HTT: variants seen among roughly 807,000 people sequenced by gnomAD.
HTT encodes huntington disease protein.
In HTT, 104 loss-of-function variants were observed where a neutral mutation model predicts 362.3. The observed-to-expected ratio is 0.29, with a 90% CI of 0.24 to 0.34. HTT has a LOEUF of 0.34. HTT is among the 10% of genes least tolerant of loss of function. The pLI is 1.00. For missense variants in HTT, 3,301 were observed against 3,928.6 expected (o/e 0.84, Z 4.27); for synonymous variants, 1,577 against 1,548.7 (o/e 1.02, Z -0.43).
intron 21 of HTT, 29 bp from the exon 22 acceptor site, chr4:3,140,481 T>G (rs2110198211): frequency 6.2e-7 from 1 of 1,611,562 alleles, no homozygotes. Context: ...TCTACTTTCT[T>G]AAGCAAATTA....
At position 3,153,013 on chromosome 4, in the gene HTT, G is replaced by A. The variant is rs549280777; in HGVS notation, c.3499-1280G>A. ...CTTCCAGTCCATGCACCCGATTGTA[G>A]CCATTCATCCTATTATGGTTTAAGG... On this transcript the variant is annotated intron_variant, in intron 26 of 66. Coordinates refer to ENST00000355072, the MANE Select transcript of HTT (RefSeq NM_001388492.1). 3.9e-5 allele frequency among the ~76,000 whole-genome samples: 6 copies of A among 152,110 alleles called. No individual in the cohort carries two copies. In the South Asian group the frequency reaches 1.2e-3, roughly 32 times the overall value.
Position 3,172,423 on chromosome 4 carries a change from C to G in HTT, c.3942+26C>G, listed in dbSNP as rs762012442. The G allele has an allele frequency of 1.0e-5, 15 of 1,484,754 alleles. No individual in the cohort carries two copies. In the South Asian group the frequency reaches 1.7e-4, roughly 17 times the overall value. The allele number at this position is 1,484,754 out of a possible 1,614,324, so 92.0% of individuals were successfully genotyped here. ...GTAAGAGCTTCATTCTTTTCCTCTTCTGTTAAGACGTTCGGGTATGACAGC... is the reference window on the plus strand; with the variant it reads ...GTAAGAGCTTCATTCTTTTCCTCTTGTGTTAAGACGTTCGGGTATGACAGC... On this transcript the variant is annotated intron_variant, in intron 30 of 66. Transcript: ENST00000355072.
At chr4:3,237,222 C>T (rs1721580041) in intron 64 of HTT, among the ~76,000 whole-genome samples, 1 of 152,086 alleles carries the variant, frequency 6.6e-6, no homozygotes, top group Non-Finnish European at 1.5e-5. Flanking sequence ...TACAGGCACA[C>T]ACCACCATGC....
intron 8 of HTT, 43 bp from the exon 9 acceptor site, chr4:3,121,185 T>G (rs769919593): frequency 1.9e-5 from 28 of 1,485,610 alleles, no homozygotes; most frequent in Non-Finnish European, 2.6e-5. Flanking sequence ...TAGGATGCAT[T>G]TTATAAACTC....
intron 1 of HTT, among the ~76,000 whole-genome samples, chr4:3,083,586 CATAT>C (rs796776728): frequency 9.6e-4 from 114 of 118,650 alleles, no homozygotes; most frequent in Middle Eastern, 8.7e-3. Context: ...CACACACACA[CATAT>C]ATATGTATAT....
intron 1 of HTT, among the ~76,000 whole-genome samples, chr4:3,084,396 C>G (rs560654721): frequency 1.3e-5 from 2 of 152,096 alleles, no homozygotes; most frequent in African/African-American, 4.8e-5. Context: ...GACATTAAAA[C>G]ATCAAGATCA....
chr4:3,122,347 A>T (rs953521541), intron 9 of HTT, among the ~76,000 whole-genome samples: 1 of 152,226 alleles, frequency 6.6e-6, no homozygotes, highest in Non-Finnish European at 1.5e-5. Flanking sequence ...AGCCACTGCA[A>T]CGTGGTCGGT....
In HTT at chr4:3,093,904, GGTTTTTT is replaced by G. The variant is rs1446910389; in HGVS notation, c.348-5369_348-5363del. Among the ~76,000 whole-genome samples, 59 of 41,336 alleles carry G rather than the reference GGTTTTTT, an allele frequency of 1.4e-3. 1 individual carries two copies. Among genetic ancestry groups the G allele is most frequent in the African/African-American group, 4.5e-3 (58 of 12,794 alleles). 27.1% of individuals were successfully genotyped at this position (41,336 alleles called of 152,430 possible). A position where few individuals can be genotyped will look rare whatever the true frequency, so the allele number is the denominator to read the frequency against. On this transcript the variant is annotated intron_variant, in intron 2 of 66. Coordinates refer to ENST00000355072, the MANE Select transcript of HTT (RefSeq NM_001388492.1). ...AAGATATCATTTACCCCTTTAAGTT[GGTTTTTT>G]TTTTTTTTTTTTTTTTTTAGTATTT...
chr4:3,214,105 A>G lies in HTT; in HGVS notation c.6922A>G (p.Ile2308Val). ...TEFVTHACSL[I>V]YCVHFILEAV... ...GTTTGTGACCCACGCCTGCTCCCTCATCTACTGTGTGCACTTCATCCTGGA... is the reference window on the plus strand; with the variant it reads ...GTTTGTGACCCACGCCTGCTCCCTCGTCTACTGTGTGCACTTCATCCTGGA... The change falls in exon 50 of 67, where the codon ATC (isoleucine) becomes GTC (valine). Residue 2308 changes from isoleucine to valine, a missense_variant. By Grantham distance (29) the Ile-to-Val change is conservative. Coordinates refer to ENST00000355072, the MANE Select transcript of HTT (RefSeq NM_001388492.1). 1 of 1,580,128 alleles carries G rather than the reference A, an allele frequency of 6.3e-7. No homozygotes were observed. Among genetic ancestry groups the G allele is most frequent in the Non-Finnish European group, 8.6e-7 (1 of 1,159,138 alleles).
chr4:3,231,851 G>A (rs942319121), intron 60 of HTT, among the ~76,000 whole-genome samples: 1 of 152,236 alleles, frequency 6.6e-6, no homozygotes, highest in Non-Finnish European at 1.5e-5. Context: ...CTAGGCAAGT[G>A]TTGTGCCATC....
chr4:3,203,252 T>G (rs1227965093), intron 41 of HTT, among the ~76,000 whole-genome samples: 1 of 152,252 alleles, frequency 6.6e-6, no homozygotes, highest in African/African-American at 2.4e-5. Flanking sequence ...CTCTTCTAAA[T>G]CCTGAGGGAT....
intron 10 of HTT, among the ~76,000 whole-genome samples, chr4:3,124,186 T>G (rs989256991): frequency 7.9e-5 from 12 of 152,218 alleles, no homozygotes; most frequent in African/African-American, 2.9e-4. Flanking sequence ...ATGTCTATAT[T>G]CTTGAATTAG....
chr4:3,156,366 T>A (rs1050525621), intron 27 of HTT, among the ~76,000 whole-genome samples: 7 of 152,184 alleles, frequency 4.6e-5, no homozygotes, highest in Middle Eastern at 3.2e-3. Context: ...GTGATCCGCC[T>A]GCCTTGGCCT....
In HTT at chr4:3,136,326, G is replaced by T. The variant is rs1716063246; in HGVS notation, c.2798G>T (p.Arg933Met). Residue 933 changes from arginine to methionine, a missense_variant and splice_region_variant, in exon 21 of 67, where the codon AGG (arginine) becomes ATG (methionine). Around this residue, in one of 4 missense-constraint regions of HTT, gnomAD observed 2,316 missense variants for 2,658.5 expected, o/e 0.87. Coordinates refer to ENST00000355072, the MANE Select transcript of HTT (RefSeq NM_001388492.1). ...CATGTTGCCGCAGCATCACTAATTA[G>T]GTATTTACCAATATTTTATCTCTTT... is the stretch of plus-strand genomic sequence containing the variant. ...VRHVAAASLIRLVPKLFYKCD... is the reference protein window; with the variant it reads ...VRHVAAASLIMLVPKLFYKCD... 1 of 1,529,828 alleles carries T rather than the reference G, an allele frequency of 6.5e-7. No homozygotes were observed. Among genetic ancestry groups the T allele is most frequent in the Non-Finnish European group, 9.0e-7 (1 of 1,108,348 alleles). 94.8% of individuals were successfully genotyped at this position (1,529,828 alleles called of 1,614,324 possible).
intron 18 of HTT, among the ~76,000 whole-genome samples, chr4:3,133,256 G>A (rs1243643532): frequency 1.3e-5 from 2 of 151,720 alleles, no homozygotes; most frequent in Middle Eastern, 6.8e-3. Flanking sequence ...GGCCAAGGTG[G>A]AAGGATTGCT....
chr4:3,229,070 ACACC>A, intron 59 of HTT, 61 bp downstream of exon 59: 1 of 1,496,478 alleles, frequency 6.7e-7, no homozygotes, highest in Non-Finnish European at 9.2e-7. Flanking sequence ...CACACGCCAC[ACACC>A]CCACACACAC....
intron 20 of HTT, 28 bp from the exon 21 acceptor site, chr4:3,136,198 T>C (rs1716057533): frequency 6.9e-7 from 1 of 1,452,854 alleles, no homozygotes; most frequent in South Asian, 1.2e-5. Flanking sequence ...CAAGATTATG[T>C]TTATTTTTAT....
intron 48 of HTT, 103 bp downstream of exon 48, chr4:3,212,245 T>C (rs1720194190): frequency 4.4e-6 from 4 of 908,178 alleles, no homozygotes; most frequent in Non-Finnish European, 3.3e-6. Flanking sequence ...ATCTAATACA[T>C]TGAAAGCGTT....
chr4:3,127,761 C>T (rs1181338777), intron 12 of HTT, among the ~76,000 whole-genome samples, 157 bp downstream of exon 12: 3 of 151,836 alleles, frequency 2.0e-5, no homozygotes, highest in South Asian at 2.1e-4. Flanking sequence ...GTCAGGAGTT[C>T]GAGACCAGCC....
Sources: allele counts gnomAD v4.1 joint callset (sites outside exome capture counted in the v4.1 genomes callset), GRCh38; gene constraint gnomAD v4.1.1; regional missense constraint gnomAD v4.1.1; transcripts MANE v1.5; gene names NCBI Gene and HGNC (gene_info 2026-07-23, HGNC 2026-07-21).